Variants in GARRE1 observed in about 807,000 individuals in gnomAD.
The protein encoded by GARRE1 is granule associated Rac and RHOG effector 1.
Under a neutral mutation model 103.2 loss-of-function variants are expected in GARRE1, and 49 were observed. The observed-to-expected ratio is 0.47, with a 90% CI of 0.38 to 0.60. The LOEUF (loss-of-function observed/expected upper bound fraction) is 0.60, where lower values mean the gene tolerates loss of function less well. Among genes scored for constraint, GARRE1 ranks in the 20% least tolerant of loss-of-function variants. The pLI is 0.00. For missense variants in GARRE1, 1,199 were observed against 1,370.5 expected (o/e 0.87, Z 1.98); for synonymous variants, 505 against 532.8 (o/e 0.95, Z 0.72).
chr19:34,299,273 C>T (rs1426205875), intron 1 of GARRE1, among the ~76,000 whole-genome samples: 1 of 152,184 alleles, frequency 6.6e-6, no homozygotes, highest in African/African-American at 2.4e-5. Flanking sequence ...CCCATCTCTG[C>T]CTTTGCTGAT....
intron 2 of GARRE1, among the ~76,000 whole-genome samples, chr19:34,305,351 TAG>T (rs2074002894): frequency 6.6e-6 from 1 of 152,162 alleles, no homozygotes; most frequent in African/African-American, 2.4e-5. Context: ...CACTGCTTGA[TAG>T]AGATATGGCA....
chr19:34,350,432 T>C (rs528192736), intron 12 of GARRE1, among the ~76,000 whole-genome samples: 1 of 152,346 alleles, frequency 6.6e-6, no homozygotes, highest in South Asian at 2.1e-4. Flanking sequence ...GCACCATCTC[T>C]GCAGAGACTG....
At chr19:34,278,977 T>A (rs1286274798) in intron 1 of GARRE1, among the ~76,000 whole-genome samples, 1 of 152,198 alleles carries the variant, frequency 6.6e-6, no homozygotes, top group East Asian at 1.9e-4. Flanking sequence ...CCTTTCTTCC[T>A]TTTTAATACT....
intron 1 of GARRE1, among the ~76,000 whole-genome samples, chr19:34,292,062 A>G (rs1007496739): frequency 2.0e-5 from 3 of 152,036 alleles, no homozygotes; most frequent in Non-Finnish European, 2.9e-5. Flanking sequence ...GGGTTTTACC[A>G]TGTTGGCCAG....
chr19:34,256,947 A>G (rs550976394), intron 1 of GARRE1, among the ~76,000 whole-genome samples: 1 of 152,142 alleles, frequency 6.6e-6, no homozygotes, highest in South Asian at 2.1e-4. Flanking sequence ...TTTCTTGCTG[A>G]CAAGATAACA....
rs368757537 is a variant in GARRE1 at position 34,328,070 on chromosome 19, C to T, written c.1023C>T (p.Thr341=). ...AGCCCATGCAGTGTGAGCTCCCCAC[C>T]GTCCCTGTGCAGATAGGATCGCACT... ...PPQPMQCELP[T]VPVQIGSHFL... Residue 341 remains threonine (T), a synonymous_variant, in exon 6 of 14, where the codon ACC becomes ACT. Coordinates refer to ENST00000299505, the MANE Select transcript of GARRE1 (RefSeq NM_014686.5). 2.8e-5 allele frequency: 46 copies of T among 1,614,080 alleles called. No individual in the cohort carries two copies. The highest frequency in any genetic ancestry group is 3.6e-5 in the Non-Finnish European group (43 of 1,180,044).
intron 2 of GARRE1, among the ~76,000 whole-genome samples, chr19:34,301,513 C>CAAAAAAAAAAAAAAAAAAAA (rs57777660): frequency 1.2e-5 from 1 of 85,402 alleles, no homozygotes; most frequent in African/African-American, 4.8e-5. Flanking sequence ...GACCATGTCT[C>CAAAAAAAAAAAAAAAAAAAA]AAAAAAAAAA....
chr19:34,340,357 A>T (rs1014963899), intron 9 of GARRE1, among the ~76,000 whole-genome samples: 1 of 152,134 alleles, frequency 6.6e-6, no homozygotes, highest in Non-Finnish European at 1.5e-5. Flanking sequence ...TTTCTTTTTC[A>T]ATCAGTTCTC....
intron 1 of GARRE1, among the ~76,000 whole-genome samples, chr19:34,284,440 G>A (rs561602016): frequency 6.6e-6 from 1 of 152,150 alleles, no homozygotes; most frequent in Non-Finnish European, 1.5e-5. Flanking sequence ...GTAGTTTCAA[G>A]CATGTCCTTT....
At chr19:34,339,120 A>G (rs1204020788) in intron 8 of GARRE1, among the ~76,000 whole-genome samples, 1 of 152,164 alleles carries the variant, frequency 6.6e-6, no homozygotes, top group Admixed American at 6.5e-5. Context: ...TTGTTCACTT[A>G]TTGGAGAAGT....
intron 10 of GARRE1, among the ~76,000 whole-genome samples, chr19:34,346,496 C>CT (rs1316388121): frequency 1.3e-5 from 2 of 152,186 alleles, no homozygotes; most frequent in South Asian, 2.1e-4. Flanking sequence ...CATATAACCT[C>CT]TATCTGGCTG....
chr19:34,349,240 A>G (rs2074226255), intron 12 of GARRE1, 87 bp downstream of exon 12: 1 of 1,294,816 alleles, frequency 7.7e-7, no homozygotes, highest in African/African-American at 1.5e-5. Context: ...CCAGGAGCCC[A>G]GTCACCTCCA....
chr19:34,278,146 C>T (rs2073828725), intron 1 of GARRE1, among the ~76,000 whole-genome samples: 1 of 151,860 alleles, frequency 6.6e-6, no homozygotes, highest in South Asian at 2.1e-4. Context: ...TTTCAACATC[C>T]CAAACTGAAA....
At chr19:34,310,239 C>T (rs1222906332) in intron 2 of GARRE1, among the ~76,000 whole-genome samples, 1 of 152,200 alleles carries the variant, frequency 6.6e-6, no homozygotes, top group Admixed American at 6.5e-5. Flanking sequence ...TAGGAGATCT[C>T]ACAGGATTGG....
In GARRE1 at chr19:34,307,909, G is replaced by A. The variant is rs570195399; in HGVS notation, c.495+6941G>A. 2.5e-3 allele frequency among the ~76,000 whole-genome samples: 380 copies of A among 149,918 alleles called. 1 individual carries two copies. The highest frequency in any genetic ancestry group is 0.017 in the Middle Eastern group (5 of 292). ...CAGTCCTCCAGCCTCAGCTTCCCGC[G>A]TATCTGAGACTGCGTAGCTGAGACT... On this transcript the variant is annotated intron_variant, in intron 2 of 13. Coordinates refer to ENST00000299505, the MANE Select transcript of GARRE1 (RefSeq NM_014686.5).
chr19:34,327,939 T>C, intron 5 of GARRE1, 51 bp from the exon 6 acceptor site: 1 of 1,613,914 alleles, frequency 6.2e-7, no homozygotes, highest in Non-Finnish European at 8.5e-7. Flanking sequence ...CCAAGTGTTT[T>C]GACAGATGAG....
intron 1 of GARRE1, among the ~76,000 whole-genome samples, chr19:34,278,194 A>G (rs890555835): frequency 6.6e-6 from 1 of 151,986 alleles, no homozygotes; most frequent in Non-Finnish European, 1.5e-5. Flanking sequence ...CTGTAAACCC[A>G]GCACTTTGGG....
At chr19:34,301,463 G>A (rs1051021792) in intron 2 of GARRE1, among the ~76,000 whole-genome samples, 5 of 143,266 alleles carry the variant, frequency 3.5e-5, no homozygotes, top group Admixed American at 2.9e-4. Flanking sequence ...GCAGTGAGCC[G>A]TGATTGCACT....
chr19:34,334,214 G>C lies in GARRE1; in HGVS notation c.1361+413G>C, dbSNP rs577489894. 5.9e-5 allele frequency among the ~76,000 whole-genome samples: 9 copies of C among 152,112 alleles called. No individual in the cohort carries two copies. The East Asian group carries it at 1.4e-3, about 23-fold the overall frequency. ...CCTGATGATCTTGAGCTCATGTTGT[G>C]ACACACCCAGTGTCTTTACAAATCT... is the stretch of plus-strand genomic sequence containing the variant. On this transcript the variant is annotated intron_variant, in intron 8 of 13. Coordinates refer to ENST00000299505, the MANE Select transcript of GARRE1 (RefSeq NM_014686.5).
Sources: allele counts gnomAD v4.1 joint callset (sites outside exome capture counted in the v4.1 genomes callset), GRCh38; gene constraint gnomAD v4.1.1; transcripts MANE v1.5; gene names NCBI Gene and HGNC (gene_info 2026-07-23, HGNC 2026-07-21).